The following TRAPPC8 variants were observed in gnomAD, a reference collection of about 807,000 sequenced individuals.
TRAPPC8 encodes the protein general sporulation gene 1 homolog.
In TRAPPC8, 54 loss-of-function variants were observed where a neutral mutation model predicts 174.3. The ratio of observed to expected loss-of-function variants is 0.31; its 90% CI spans 0.25 to 0.39. The LOEUF (loss-of-function observed/expected upper bound fraction) is 0.39, where lower values mean the gene tolerates loss of function less well. Ranked by LOEUF, TRAPPC8 falls within the 10% of genes least tolerant of loss-of-function variation. TRAPPC8 has a pLI of 1.00. For synonymous variants in TRAPPC8, 630 were observed against 579.9 expected (o/e 1.09, Z -1.24); for missense variants, 1,531 against 1,699.1 (o/e 0.90, Z 1.74).
At chr18:31,831,016 C>T in intron 28 of TRAPPC8, 27 bp from the exon 29 acceptor site, 1 of 1,573,286 alleles carries the variant, frequency 6.4e-7, no homozygotes, top group Non-Finnish European at 8.6e-7. Context: ...ATGTAAGTTG[C>T]AGGATTTTTT....
intron 1 of TRAPPC8, among the ~76,000 whole-genome samples, chr18:31,935,402 C>T (rs978226037): frequency 2.8e-5 from 4 of 143,280 alleles, no homozygotes; most frequent in African/African-American, 1.1e-4. Flanking sequence ...TCTGCAATTA[C>T]AGGCTGGAGC....
intron 25 of TRAPPC8, among the ~76,000 whole-genome samples, chr18:31,847,185 C>T (rs1349801644): frequency 6.6e-6 from 1 of 152,164 alleles, no homozygotes; most frequent in East Asian, 1.9e-4. Context: ...TACAGCCTAG[C>T]TTCTGAAATG....
At chr18:31,919,418 A>G (rs1204098557) in intron 2 of TRAPPC8, among the ~76,000 whole-genome samples, 2 of 151,654 alleles carry the variant, frequency 1.3e-5, no homozygotes, top group Admixed American at 1.3e-4. Context: ...GTGCAATCCC[A>G]GCTATTCGGG....
Position 31,909,717 on chromosome 18 carries a change from T to A in TRAPPC8, c.815A>T (p.Asn272Ile), listed in dbSNP as rs1451852996. 3 of 1,602,204 alleles carry A rather than the reference T, an allele frequency of 1.9e-6. No homozygotes were observed. The highest frequency in any genetic ancestry group is 2.5e-6 in the Non-Finnish European group (3 of 1,176,862). The change falls in exon 6 of 29, where the codon AAT (asparagine) becomes ATT (isoleucine). Residue 272 changes from asparagine (N) to isoleucine (I), a missense_variant. By Grantham distance (149) the Asn-to-Ile change is moderately radical (BLOSUM62 -3). Transcript: ENST00000283351. ...DGPCTITSNK[N>I]SDNNLLSLDG... ...CAATGAAAGCAAGTTATTATCAGAATTCTTATTTGAAGTTATAGTACAAGG... is the reference window on the plus strand; with the variant it reads ...CAATGAAAGCAAGTTATTATCAGAAATCTTATTTGAAGTTATAGTACAAGG...
chr18:31,881,060 T>G (rs2035426706), intron 12 of TRAPPC8, among the ~76,000 whole-genome samples: 1 of 152,010 alleles, frequency 6.6e-6, no homozygotes, highest in South Asian at 2.1e-4. Context: ...TTAAAATAAC[T>G]ATATTGCCCA....
chr18:31,839,024 G>T (rs2032935358), intron 27 of TRAPPC8, among the ~76,000 whole-genome samples: 1 of 152,116 alleles, frequency 6.6e-6, no homozygotes, highest in African/African-American at 2.4e-5. Flanking sequence ...GCAAACTTTT[G>T]AAGTGTTGCC....
intron 12 of TRAPPC8, among the ~76,000 whole-genome samples, chr18:31,882,789 G>T (rs1239486987): frequency 1.3e-5 from 2 of 150,922 alleles, no homozygotes; most frequent in Admixed American, 1.3e-4. Flanking sequence ...GCTAATTTTT[G>T]TATTTTTAAT....
At chr18:31,893,950 A>ATTC (rs2036078477) in intron 11 of TRAPPC8, among the ~76,000 whole-genome samples, 1 of 152,222 alleles carries the variant, frequency 6.6e-6, no homozygotes, top group African/African-American at 2.4e-5. Flanking sequence ...TCATAAGCTA[A>ATTC]GAATATCCCC....
chr18:31,938,672 T>A (rs968516428), intron 1 of TRAPPC8, among the ~76,000 whole-genome samples: 1 of 152,174 alleles, frequency 6.6e-6, no homozygotes, highest in African/African-American at 2.4e-5. Flanking sequence ...AGGCCAGAAA[T>A]TGAGTCTTCT....
intron 11 of TRAPPC8, among the ~76,000 whole-genome samples, chr18:31,895,123 T>A (rs1370124318): frequency 2.0e-5 from 3 of 152,212 alleles, no homozygotes; most frequent in African/African-American, 7.2e-5. Flanking sequence ...CTAGGCCTCA[T>A]TAACTATCTT....
chr18:31,834,913 CTT>C (rs2032619028), intron 27 of TRAPPC8, among the ~76,000 whole-genome samples: 1 of 152,112 alleles, frequency 6.6e-6, no homozygotes, highest in Non-Finnish European at 1.5e-5. Context: ...TCCTCCATCT[CTT>C]CTCTTTGTGT....
chr18:31,880,548 A>T (rs2035397676), intron 12 of TRAPPC8, among the ~76,000 whole-genome samples: 1 of 152,148 alleles, frequency 6.6e-6, no homozygotes, highest in Non-Finnish European at 1.5e-5. Context: ...ATCATATTGA[A>T]TGGGGAAAAG....
chr18:31,905,678 C>A (rs1337738754), intron 9 of TRAPPC8, among the ~76,000 whole-genome samples: 1 of 152,036 alleles, frequency 6.6e-6, no homozygotes, highest in African/African-American at 2.4e-5. Flanking sequence ...GAAGACTAAC[C>A]CAGTCTAACT....
At chr18:31,910,477 A>G (rs909667251) in intron 5 of TRAPPC8, among the ~76,000 whole-genome samples, 2 of 152,204 alleles carry the variant, frequency 1.3e-5, no homozygotes, top group Non-Finnish European at 2.9e-5. Flanking sequence ...AAAAATATAA[A>G]AGAGGACATG....
intron 2 of TRAPPC8, among the ~76,000 whole-genome samples, chr18:31,922,385 G>T (rs1184595531): frequency 6.6e-6 from 1 of 152,046 alleles, no homozygotes; most frequent in Non-Finnish European, 1.5e-5. Flanking sequence ...TTGAGCCCAG[G>T]AGTTGGAGAC....
intron 21 of TRAPPC8, among the ~76,000 whole-genome samples, chr18:31,854,373 C>T (rs1052938147): frequency 2.0e-5 from 3 of 152,010 alleles, no homozygotes; most frequent in Admixed American, 2.0e-4. Context: ...AATATATGGT[C>T]AGTACACATG....
chr18:31,930,829 C>A (rs2037815214), intron 2 of TRAPPC8, among the ~76,000 whole-genome samples: 7 of 151,726 alleles, frequency 4.6e-5, no homozygotes, highest in Non-Finnish European at 1.5e-5. Flanking sequence ...GAGTTTAAGA[C>A]CAGCCTGGGG....
intron 26 of TRAPPC8, among the ~76,000 whole-genome samples, chr18:31,844,063 G>A (rs1399255493): frequency 6.6e-6 from 1 of 152,014 alleles, no homozygotes; most frequent in Admixed American, 6.5e-5. Flanking sequence ...AATATCTTCT[G>A]GTTCATCTTG....
chr18:31,867,059 C>G, intron 17 of TRAPPC8, 84 bp from the exon 18 acceptor site: 1 of 1,412,674 alleles, frequency 7.1e-7, no homozygotes, highest in Non-Finnish European at 9.6e-7. Context: ...GTTGCAAAAA[C>G]ATAAACTCAT....
Sources: allele counts gnomAD v4.1 joint callset (sites outside exome capture counted in the v4.1 genomes callset), GRCh38; gene constraint gnomAD v4.1.1; transcripts MANE v1.5; gene names NCBI Gene and HGNC (gene_info 2026-07-23, HGNC 2026-07-21).